Variants in ITPRID1 observed in about 807,000 individuals in gnomAD.
ITPRID1 encodes protein ITPRID1.
Under a neutral mutation model 95.4 loss-of-function variants are expected in ITPRID1, and 96 were observed. That is an observed-to-expected ratio of 1.01 (90% confidence interval 0.85 to 1.19). The LOEUF (loss-of-function observed/expected upper bound fraction) is 1.19, where lower values mean the gene tolerates loss of function less well. Ranked by LOEUF, ITPRID1 falls within the 50% of genes most tolerant of loss-of-function variation. The pLI is 0.00. For synonymous variants in ITPRID1, 510 were observed against 453.6 expected (o/e 1.12, Z -1.58); for missense variants, 1,339 against 1,252.9 (o/e 1.07, Z -1.04).
intron 1 of ITPRID1, among the ~76,000 whole-genome samples, chr7:31,538,430 A>G (rs1205932126): frequency 6.6e-6 from 1 of 152,218 alleles, no homozygotes; most frequent in African/African-American, 2.4e-5. Flanking sequence ...ACACAATACT[A>G]TTATCTGATC....
At chr7:31,569,856 C>T (rs1784924825) in intron 6 of ITPRID1, 47 bp downstream of exon 6, 2 of 1,480,164 alleles carry the variant, frequency 1.4e-6, no homozygotes, top group Non-Finnish European at 1.8e-6. Flanking sequence ...TTTGCAGCCA[C>T]ACCTTTGCTG....
At chr7:31,607,740 C>CAA (rs55729944) in intron 10 of ITPRID1, among the ~76,000 whole-genome samples, 72,417 of 151,034 alleles carry the variant, frequency 0.48, 18,125 homozygotes, top group African/African-American at 0.62. Context: ...TTTTCTTTTT[C>CAA]AAAAAAATCT....
intron 10 of ITPRID1, among the ~76,000 whole-genome samples, chr7:31,608,227 G>A (rs1786712936): frequency 1.3e-5 from 2 of 151,892 alleles, no homozygotes; most frequent in Admixed American, 1.3e-4. Flanking sequence ...TTATATGTCT[G>A]TCTGTATACT....
chr7:31,642,893 T>A lies in ITPRID1; in HGVS notation c.1523T>A (p.Leu508His). ...SVSVMEEEFL[L>H]EAMEGPPELY... Reference sequence around the variant, plus strand: ...TCTGTGATGGAGGAAGAGTTTCTGCTTGAGGCCATGGAGGGGCCACCAGAG... The same window carrying A: ...TCTGTGATGGAGGAAGAGTTTCTGCATGAGGCCATGGAGGGGCCACCAGAG... The change falls in exon 12 of 15, where the codon CTT (leucine) becomes CAT (histidine). Residue 508 changes from leucine to histidine, a missense_variant. Physicochemically the swap from Leu to His is moderately conservative, Grantham distance 99 (BLOSUM62 -3). Coordinates refer to ENST00000615280, the MANE Select transcript of ITPRID1 (RefSeq NM_001257967.3). 6.2e-7 allele frequency: 1 copy of A among 1,614,002 alleles called. No individual in the cohort carries two copies. Among genetic ancestry groups the A allele is most frequent in the Non-Finnish European group, 8.5e-7 (1 of 1,179,890 alleles).
At chr7:31,533,307 T>A (rs1783660417) in intron 1 of ITPRID1, among the ~76,000 whole-genome samples, 1 of 152,212 alleles carries the variant, frequency 6.6e-6, no homozygotes, top group African/African-American at 2.4e-5. Flanking sequence ...AGTTTCTTGA[T>A]AACATATGTT....
chr7:31,625,162 T>A (rs1788329566), intron 10 of ITPRID1, among the ~76,000 whole-genome samples: 3 of 152,138 alleles, frequency 2.0e-5, no homozygotes, highest in South Asian at 4.1e-4. Context: ...GGAACACTTT[T>A]ACATTGTTGG....
chr7:31,603,990 A>C (rs1294453695), intron 10 of ITPRID1, among the ~76,000 whole-genome samples: 3 of 152,128 alleles, frequency 2.0e-5, no homozygotes, highest in African/African-American at 7.2e-5. Context: ...TGCCTTTACC[A>C]TAGGCCTTAA....
chr7:31,648,971 A>G (rs1191327486), intron 12 of ITPRID1, among the ~76,000 whole-genome samples: 2 of 152,238 alleles, frequency 1.3e-5, no homozygotes, highest in Non-Finnish European at 2.9e-5. Flanking sequence ...ATGGTCTACA[A>G]GATCTTTTCT....
chr7:31,529,095 A>G (rs181870158), intron 1 of ITPRID1, among the ~76,000 whole-genome samples: 2 of 152,306 alleles, frequency 1.3e-5, no homozygotes, highest in African/African-American at 2.4e-5. Context: ...GTGAAATTCT[A>G]TGGATGATAA....
chr7:31,623,729 A>G (rs1324852291), intron 10 of ITPRID1, among the ~76,000 whole-genome samples: 1 of 141,894 alleles, frequency 7.0e-6, no homozygotes, highest in Non-Finnish European at 1.5e-5. Flanking sequence ...TGAAACCTCT[A>G]TCACCACGCC....
chr7:31,619,213 G>T (rs1486379597), intron 10 of ITPRID1, among the ~76,000 whole-genome samples: 1 of 152,012 alleles, frequency 6.6e-6, no homozygotes, highest in Non-Finnish European at 1.5e-5. Flanking sequence ...CTATTTTCAG[G>T]TGATCACATT....
intron 9 of ITPRID1, among the ~76,000 whole-genome samples, chr7:31,581,219 T>C (rs1203143498): frequency 6.6e-6 from 1 of 152,190 alleles, no homozygotes; most frequent in Non-Finnish European, 1.5e-5. Flanking sequence ...AAATTTTGCC[T>C]CCAGATCAAC....
chr7:31,598,398 C>CTTTTTTTTTTTTTTTTTTT (rs869161999), intron 10 of ITPRID1, among the ~76,000 whole-genome samples: 1 of 106,830 alleles, frequency 9.4e-6, no homozygotes, highest in Non-Finnish European at 1.9e-5. Flanking sequence ...TTTTTTTTTT[C>CTTTTTTTTTTTTTTTTTTT]TTTTTTTTTT....
At chr7:31,585,234 C>A (rs549807912) in intron 10 of ITPRID1, among the ~76,000 whole-genome samples, 1 of 152,228 alleles carries the variant, frequency 6.6e-6, no homozygotes, top group South Asian at 2.1e-4. Flanking sequence ...TGGAGGTATA[C>A]GATGAACTCT....
At chr7:31,619,273 C>G (rs1256054122) in intron 10 of ITPRID1, among the ~76,000 whole-genome samples, 1 of 150,476 alleles carries the variant, frequency 6.6e-6, no homozygotes, top group Non-Finnish European at 1.5e-5. Context: ...TGGGTAAACT[C>G]TCATAATTTA....
chr7:31,575,193 G>A (rs1353439164), intron 8 of ITPRID1, among the ~76,000 whole-genome samples: 1 of 152,134 alleles, frequency 6.6e-6, no homozygotes, highest in African/African-American at 2.4e-5. Context: ...GTAATGGTGA[G>A]CAGCACTAAT....
intron 10 of ITPRID1, among the ~76,000 whole-genome samples, chr7:31,618,530 CCTT>C (rs1250807717): frequency 1.3e-5 from 2 of 152,134 alleles, no homozygotes; most frequent in African/African-American, 4.8e-5. Flanking sequence ...TCCAGGGGCC[CCTT>C]CTTCTCAGAA....
chr7:31,544,833 TAG>T (rs959103285), intron 1 of ITPRID1, among the ~76,000 whole-genome samples: 31 of 152,114 alleles, frequency 2.0e-4, no homozygotes, highest in African/African-American at 7.5e-4. Context: ...CCTGACATGA[TAG>T]AGACTACAAA....
intron 5 of ITPRID1, among the ~76,000 whole-genome samples, chr7:31,559,819 T>G (rs1460669720): frequency 6.6e-6 from 1 of 152,194 alleles, no homozygotes; most frequent in Non-Finnish European, 1.5e-5. Context: ...GCCTTAGACT[T>G]AGGCTGGAGA....
Sources: allele counts gnomAD v4.1 joint callset (sites outside exome capture counted in the v4.1 genomes callset), GRCh38; gene constraint gnomAD v4.1.1; transcripts MANE v1.5; gene names NCBI Gene and HGNC (gene_info 2026-07-23, HGNC 2026-07-21).